SAMD4A: variants seen among roughly 807,000 people sequenced by gnomAD.
SAMD4A encodes the protein sterile alpha motif domain containing 4A.
A neutral mutation model predicts 81.3 loss-of-function variants in SAMD4A; 33 were observed. The observed-to-expected ratio is 0.41, with a 90% confidence interval of 0.31 to 0.54. The LOEUF (loss-of-function observed/expected upper bound fraction) is 0.54, where lower values mean the gene tolerates loss of function less well. Among genes scored for constraint, SAMD4A ranks in the 20% least tolerant of loss-of-function variants. SAMD4A has a pLI of 0.37. For synonymous variants in SAMD4A, 389 were observed against 382.1 expected (o/e 1.02, Z -0.21); for missense variants, 854 against 951.1 (o/e 0.90, Z 1.34).
In SAMD4A at chr14:54,701,865, T is replaced by C. The variant is rs556588941; in HGVS notation, c.197-197T>C. On this transcript the variant is annotated intron_variant, in intron 2 of 12. Coordinates refer to ENST00000554335, the MANE Select transcript of SAMD4A (RefSeq NM_015589.6). ...TGAGTACTCAATATCTAAGAATGTT[T>C]GATCTGTGTTTCATTGGAGCCTCTG... 6.6e-5 allele frequency among the ~76,000 whole-genome samples: 10 copies of C among 152,352 alleles called. No individual in the cohort carries two copies. In the East Asian group the frequency reaches 1.9e-3, roughly 29 times the overall value.
At chr14:54,593,000 C>A (rs2033820564) in intron 2 of SAMD4A, among the ~76,000 whole-genome samples, 1 of 152,062 alleles carries the variant, frequency 6.6e-6, no homozygotes, top group African/African-American at 2.4e-5. Flanking sequence ...ACTAAATAGT[C>A]TTAGAAAACA....
At chr14:54,762,506 C>G (rs140581570) in intron 7 of SAMD4A, among the ~76,000 whole-genome samples, 1 of 152,146 alleles carries the variant, frequency 6.6e-6, no homozygotes, top group Non-Finnish European at 1.5e-5. Flanking sequence ...CCTCGCTCTC[C>G]CCCACCCACC....
rs141272186 is a variant in SAMD4A, at chr14:54,789,402, A to G, written c.*458A>G. On this transcript the variant is annotated 3_prime_UTR_variant, in exon 13 of 13. Coordinates refer to ENST00000554335, the MANE Select transcript of SAMD4A (RefSeq NM_015589.6). ...CGCGGGCACGTGCACCCAAAGCAAG[A>G]TAGTGGCTTCCCTTTTATATCCAAT... 1.7e-5 allele frequency: 3 copies of G among 172,484 alleles called. No homozygotes were observed. Among genetic ancestry groups the G allele is most frequent in the Non-Finnish European group, 1.2e-5 (1 of 80,704 alleles). 10.7% of individuals were successfully genotyped at this position (172,484 alleles called of 1,614,324 possible).
At position 54,770,136 on chromosome 14, in the gene SAMD4A, G is replaced by A. The variant is rs2038662308; in HGVS notation, c.1629G>A (p.Leu543=). The A allele has an allele frequency of 4.3e-6, 7 of 1,614,054 alleles. No individual in the cohort carries two copies. The South Asian group carries it at 5.5e-5, about 13-fold the overall frequency. Residue 543 remains leucine, a synonymous_variant, in exon 9 of 13, where the codon TTG becomes TTA. Transcript: ENST00000554335. ...AFTETQKKRL[L]SWKQQVQKLF... is the part of the protein sequence containing the mutation. ...CAGAGACACAGAAAAAAAGATTGTT[G>A]TCATGGAAACAGCAGGTGCAGAAGC...
intron 3 of SAMD4A, among the ~76,000 whole-genome samples, chr14:54,725,305 C>T (rs2037386126): frequency 6.6e-6 from 1 of 152,216 alleles, no homozygotes; most frequent in Non-Finnish European, 1.5e-5. Flanking sequence ...AGGTGATTCA[C>T]ATCTCCTGAC....
chr14:54,644,351 G>C (rs972915567), intron 2 of SAMD4A, among the ~76,000 whole-genome samples: 1 of 152,100 alleles, frequency 6.6e-6, no homozygotes, highest in Non-Finnish European at 1.5e-5. Context: ...GTTCTAAATT[G>C]CACCTAGTTT....
rs1428887354 is a variant in SAMD4A at position 54,790,373 on chromosome 14, A to G, written c.*1429A>G. ...TGACAGCGCTATCCGCACAGTATGA[A>G]TTAGGGATTTGCTGTGTTAGTTGAT... On this transcript the variant is annotated 3_prime_UTR_variant, in exon 13 of 13. Coordinates refer to ENST00000554335, the MANE Select transcript of SAMD4A (RefSeq NM_015589.6). 1 of 152,256 alleles carries G rather than the reference A, an allele frequency of 6.6e-6. No individual in the cohort carries two copies. The allele number at this position is 152,256 out of a possible 1,614,324, so 9.4% of individuals were successfully genotyped here. A position where few individuals can be genotyped will look rare whatever the true frequency, so the allele number is the denominator to read the frequency against.
intron 2 of SAMD4A, among the ~76,000 whole-genome samples, chr14:54,621,883 G>A (rs534005536): frequency 6.6e-6 from 1 of 152,278 alleles, no homozygotes; most frequent in East Asian, 1.9e-4. Flanking sequence ...CAAAGCAGGA[G>A]GGGGGAGTGT....
chr14:54,566,290 G>T (rs2032930385), upstream of SAMD4A, among the ~76,000 whole-genome samples: 1 of 151,490 alleles, frequency 6.6e-6, no homozygotes, highest in African/African-American at 2.4e-5. Flanking sequence ...CCCCCGAGCC[G>T]CCGGGATGAG....
In SAMD4A at chr14:54,783,166, A is replaced by C. The variant is rs560268938; in HGVS notation, c.2045-1371A>C. 1.1e-4 allele frequency among the ~76,000 whole-genome samples: 17 copies of C among 152,048 alleles called. 1 individual carries two copies. The highest frequency in any genetic ancestry group is 4.2e-4 in the South Asian group (2 of 4,812). Reference sequence around the variant, plus strand: ...CAGTGTCACAAAACTTTAAAAAAAAAAAAAAAAACAAAAAGGATTTCACAA... The same window carrying C: ...CAGTGTCACAAAACTTTAAAAAAAACAAAAAAAACAAAAAGGATTTCACAA... On this transcript the variant is annotated intron_variant, in intron 11 of 12. Transcript: ENST00000554335.
At chr14:54,594,585 G>A (rs749638053) in intron 2 of SAMD4A, among the ~76,000 whole-genome samples, 17 of 152,188 alleles carry the variant, frequency 1.1e-4, no homozygotes, top group Admixed American at 7.9e-4. Flanking sequence ...TGTAGTGGAA[G>A]GGAAAGCTTA....
chr14:54,606,048 G>T (rs980445066), intron 2 of SAMD4A, among the ~76,000 whole-genome samples: 7 of 152,122 alleles, frequency 4.6e-5, no homozygotes, highest in Admixed American at 2.0e-4. Context: ...TTTACCTTCA[G>T]GTTGTTCTAA....
chr14:54,675,195 G>A (rs2035964370), intron 2 of SAMD4A, among the ~76,000 whole-genome samples: 1 of 151,894 alleles, frequency 6.6e-6, no homozygotes, highest in Non-Finnish European at 1.5e-5. Context: ...GTGAAACCCC[G>A]TCTCTACTAA....
chr14:54,633,191 G>C (rs1445891344), intron 2 of SAMD4A, among the ~76,000 whole-genome samples: 2 of 152,120 alleles, frequency 1.3e-5, no homozygotes, highest in Non-Finnish European at 1.5e-5. Context: ...ATTTTAGTTT[G>C]GGTGGTCAAG....
chr14:54,595,360 G>T (rs2033883606), intron 2 of SAMD4A, among the ~76,000 whole-genome samples: 1 of 150,790 alleles, frequency 6.6e-6, no homozygotes, highest in Non-Finnish European at 1.5e-5. Context: ...CTTCATAGCG[G>T]CAGAGTCAAA....
At chr14:54,733,185 G>A (rs1415606644) in intron 3 of SAMD4A, among the ~76,000 whole-genome samples, 3 of 152,112 alleles carry the variant, frequency 2.0e-5, no homozygotes, top group Admixed American at 1.3e-4. Flanking sequence ...CACACTGCCC[G>A]ACTGCTGTAG....
At chr14:54,748,749 TC>T in intron 4 of SAMD4A, 65 bp from the exon 5 acceptor site, 1 of 1,098,142 alleles carries the variant, frequency 9.1e-7, no homozygotes, top group Non-Finnish European at 1.4e-6. Flanking sequence ...TGTTCCTACA[TC>T]TCTCGTCATC....
At chr14:54,583,071 G>A (rs1023579103) in intron 2 of SAMD4A, among the ~76,000 whole-genome samples, 9 of 152,140 alleles carry the variant, frequency 5.9e-5, no homozygotes, top group African/African-American at 2.2e-4. Flanking sequence ...AGCCTCCCGA[G>A]TAGCTGGGGC....
intron 4 of SAMD4A, among the ~76,000 whole-genome samples, chr14:54,738,988 GA>G (rs1268815652): frequency 6.6e-6 from 1 of 150,690 alleles, no homozygotes; most frequent in African/African-American, 2.5e-5. Context: ...GAAGAATGCT[GA>G]TTCCACTGTC....
Sources: gnomAD v4.1 joint callset for allele counts (sites outside exome capture counted in the v4.1 genomes callset) on GRCh38, gnomAD v4.1.1 for gene constraint, MANE v1.5 for transcripts, NCBI Gene and HGNC (gene_info 2026-07-23, HGNC 2026-07-21) for gene names.